The following SIPA1L1 variants were observed in gnomAD, a reference collection of about 807,000 sequenced individuals.
SIPA1L1 encodes the protein signal induced proliferation associated 1 like 1, also known as signal-induced proliferation-associated 1-like protein 1.
SIPA1L1 carries 26 observed loss-of-function variants against 162.7 expected under a neutral mutation model. That is an observed-to-expected ratio of 0.16 (90% CI 0.12 to 0.22). The LOEUF (loss-of-function observed/expected upper bound fraction) is 0.22, where lower values mean the gene tolerates loss of function less well. Among genes scored for constraint, SIPA1L1 ranks in the 10% least tolerant of loss-of-function variants. The probability of loss-of-function intolerance (pLI) is 1.00; values close to 1 mark genes in which losing one functional copy is unlikely to be tolerated. For missense variants in SIPA1L1, 1,874 were observed against 2,241.0 expected (o/e 0.84, Z 3.31); for synonymous variants, 829 against 837.4 (o/e 0.99, Z 0.17).
intron 2 of SIPA1L1, among the ~76,000 whole-genome samples, chr14:71,437,384 T>C (rs1156800381): frequency 6.6e-6 from 1 of 152,076 alleles, no homozygotes; most frequent in Non-Finnish European, 1.5e-5. Flanking sequence ...TTATTTTTCT[T>C]TGAGGCAGAG....
intron 2 of SIPA1L1, among the ~76,000 whole-genome samples, chr14:71,509,018 G>A (rs1324779671): frequency 6.6e-6 from 1 of 152,174 alleles, no homozygotes; most frequent in Non-Finnish European, 1.5e-5. Flanking sequence ...ACCATCCAAG[G>A]CCTGCTGCTT....
At chr14:71,474,013 G>A (rs1435179611) in intron 2 of SIPA1L1, among the ~76,000 whole-genome samples, 1 of 152,176 alleles carries the variant, frequency 6.6e-6, no homozygotes, top group African/African-American at 2.4e-5. Context: ...ATAGTGCAAA[G>A]GGTCCTGCAT....
At chr14:71,515,034 G>C (rs1756804782) in intron 3 of SIPA1L1, among the ~76,000 whole-genome samples, 1 of 152,164 alleles carries the variant, frequency 6.6e-6, no homozygotes, top group African/African-American at 2.4e-5. Context: ...TGAGGAGGCT[G>C]TTCTCCCCCA....
At chr14:71,499,206 A>G (rs956198714) in intron 2 of SIPA1L1, among the ~76,000 whole-genome samples, 9 of 152,146 alleles carry the variant, frequency 5.9e-5, no homozygotes, top group African/African-American at 2.2e-4. Flanking sequence ...AAAAATAGAA[A>G]AGGAGGTGGC....
chr14:71,423,650 A>G (rs1192734784), intron 2 of SIPA1L1, among the ~76,000 whole-genome samples: 1 of 152,204 alleles, frequency 6.6e-6, no homozygotes, highest in South Asian at 2.1e-4. Flanking sequence ...TGGGCTCTGT[A>G]TTCTATTCCA....
chr14:71,356,900 C>G (rs1176054513), intron 2 of SIPA1L1, among the ~76,000 whole-genome samples: 2 of 151,224 alleles, frequency 1.3e-5, no homozygotes, highest in Non-Finnish European at 2.9e-5. Flanking sequence ...AAGACCCATT[C>G]TTGTGAATTT....
chr14:71,697,174 G>A (rs186355234), intron 13 of SIPA1L1, among the ~76,000 whole-genome samples: 1 of 152,126 alleles, frequency 6.6e-6, no homozygotes, highest in African/African-American at 2.4e-5. Context: ...CTGGAGGAAT[G>A]GGGTGGAGAG....
At chr14:71,657,510 C>T (rs117234527) in intron 8 of SIPA1L1, among the ~76,000 whole-genome samples, 210 of 151,922 alleles carry the variant, frequency 1.4e-3, no homozygotes, top group Non-Finnish European at 2.5e-3. Flanking sequence ...CTTCCAGGTA[C>T]TTGTGGGAAC....
At chr14:71,714,179 C>T (rs753370376) in intron 17 of SIPA1L1, among the ~76,000 whole-genome samples, 12 of 152,252 alleles carry the variant, frequency 7.9e-5, no homozygotes, top group East Asian at 3.9e-4. Context: ...TTGGCCTAAG[C>T]GATCTTGCCA....
At position 71,705,417 on chromosome 14, in the gene SIPA1L1, C is replaced by G. The variant is rs1010675977; in HGVS notation, c.3765+77C>G. On this transcript the variant is annotated intron_variant, in intron 16 of 23. Coordinates refer to ENST00000381232, the MANE Select transcript of SIPA1L1 (RefSeq NM_001386936.1). ...CCTTGCACTATGAAAATGCTCTGCTCTTTCCTCTGCATGGCCAAAGAGGAA... is the reference window on the plus strand; with the variant it reads ...CCTTGCACTATGAAAATGCTCTGCTGTTTCCTCTGCATGGCCAAAGAGGAA... The G allele has an allele frequency of 2.8e-6, 3 of 1,059,746 alleles. No individual in the cohort carries two copies. In the African/African-American group the frequency reaches 4.7e-5, roughly 16 times the overall value. 65.6% of individuals were successfully genotyped at this position (1,059,746 alleles called of 1,614,324 possible).
At chr14:71,644,679 G>C (rs996790044) in intron 7 of SIPA1L1, among the ~76,000 whole-genome samples, 4 of 152,202 alleles carry the variant, frequency 2.6e-5, no homozygotes, top group African/African-American at 9.7e-5. Flanking sequence ...TAGAAAAAGA[G>C]TTAAGTGTTG....
At chr14:71,500,544 C>G (rs1446566634) in intron 2 of SIPA1L1, among the ~76,000 whole-genome samples, 1 of 152,178 alleles carries the variant, frequency 6.6e-6, no homozygotes, top group Non-Finnish European at 1.5e-5. Flanking sequence ...CTTATACACC[C>G]TGCTAGTGGG....
At chr14:71,371,520 TG>T (rs1198403674) in intron 2 of SIPA1L1, among the ~76,000 whole-genome samples, 1 of 152,098 alleles carries the variant, frequency 6.6e-6, no homozygotes, top group Non-Finnish European at 1.5e-5. Context: ...CCCAAGTAGC[TG>T]GGACTACAGG....
At chr14:71,593,138 T>G (rs1035033824) in intron 5 of SIPA1L1, among the ~76,000 whole-genome samples, 7 of 152,216 alleles carry the variant, frequency 4.6e-5, no homozygotes, top group African/African-American at 1.7e-4. Context: ...AGGGCTGCAT[T>G]CAGATTAACC....
intron 12 of SIPA1L1, among the ~76,000 whole-genome samples, chr14:71,674,998 A>T (rs2044982346): frequency 6.6e-6 from 1 of 152,194 alleles, no homozygotes; most frequent in Non-Finnish European, 1.5e-5. Context: ...TCCTTTCCTT[A>T]TACACTAGAA....
At chr14:71,450,943 T>C (rs1459770343) in intron 2 of SIPA1L1, among the ~76,000 whole-genome samples, 2 of 152,168 alleles carry the variant, frequency 1.3e-5, no homozygotes, top group African/African-American at 4.8e-5. Context: ...TGAAGAAGTA[T>C]CAGAATTCCC....
chr14:71,624,266 T>C, intron 7 of SIPA1L1, 30 bp downstream of exon 7: 1 of 1,566,318 alleles, frequency 6.4e-7, no homozygotes, highest in East Asian at 2.3e-5. Flanking sequence ...GAGAGCATTC[T>C]TGCTCAGGTT....
chr14:71,447,863 C>T (rs1032081438), intron 2 of SIPA1L1, among the ~76,000 whole-genome samples: 3 of 152,146 alleles, frequency 2.0e-5, no homozygotes, highest in African/African-American at 7.2e-5. Context: ...GCCACCATGC[C>T]TGGCCTACTA....
intron 2 of SIPA1L1, among the ~76,000 whole-genome samples, chr14:71,494,686 C>T (rs752974841): frequency 9.2e-5 from 14 of 151,990 alleles, no homozygotes; most frequent in Non-Finnish European, 4.4e-5. Flanking sequence ...GCAACCTCAT[C>T]CAGCTAATTT....
Sources: allele counts gnomAD v4.1 joint callset (sites outside exome capture counted in the v4.1 genomes callset), GRCh38; gene constraint gnomAD v4.1.1; transcripts MANE v1.5; gene names NCBI Gene and HGNC (gene_info 2026-07-23, HGNC 2026-07-21).